TRAPPC10: variants seen among roughly 807,000 people sequenced by gnomAD.
TRAPPC10 encodes TRAPP 130 kDa subunit.
A neutral mutation model predicts 125.5 loss-of-function variants in TRAPPC10; 23 were observed. The observed-to-expected ratio is 0.18, with a 90% confidence interval of 0.13 to 0.26. The LOEUF (loss-of-function observed/expected upper bound fraction) is 0.26. Ranked by LOEUF, TRAPPC10 falls within the 10% of genes least tolerant of loss-of-function variation. The pLI is 1.00. For missense variants in TRAPPC10, 1,123 were observed against 1,308.4 expected (o/e 0.86, Z 2.19); for synonymous variants, 509 against 518.0 (o/e 0.98, Z 0.24).
rs1351294920 is a variant in TRAPPC10 at position 44,063,457 on chromosome 21, C to T, written c.791-81C>T. The stretch of plus-strand genomic sequence containing the variant: ...ACTGGTTATGAAGCTGCCTGTTTGC[C>T]CACCATCCTCAGCCTGAGCAGGAAG... On this transcript the variant is annotated intron_variant, in intron 6 of 22. Coordinates refer to ENST00000291574, the MANE Select transcript of TRAPPC10 (RefSeq NM_003274.5). The surrounding 1 kb of genome is among the most constrained non-coding windows in gnomAD (Gnocchi z 4.4). 6.4e-7 allele frequency: 1 copy of T among 1,552,508 alleles called. No individual in the cohort carries two copies. The highest frequency in any genetic ancestry group is 8.7e-7 in the Non-Finnish European group (1 of 1,148,852).
At chr21:44,075,277 A>G in intron 9 of TRAPPC10, 124 bp downstream of exon 9, 1 of 667,290 alleles carries the variant, frequency 1.5e-6, no homozygotes, top group Non-Finnish European at 2.6e-6. Flanking sequence ...GGAAAATTAT[A>G]CCCATTGTTA....
At chr21:44,054,265 G>A (rs927752493) in intron 4 of TRAPPC10, among the ~76,000 whole-genome samples, 6 of 152,172 alleles carry the variant, frequency 3.9e-5, no homozygotes, top group African/African-American at 1.2e-4. Context: ...GGATTGAATG[G>A]AATTAAAGCC....
At position 44,023,084 on chromosome 21, in the gene TRAPPC10, G is replaced by C. The variant is rs1190681869; in HGVS notation, c.68-9007G>C. Among the ~76,000 whole-genome samples the C allele has an allele frequency of 2.2e-5, 3 of 138,916 alleles. No individual in the cohort carries two copies. The East Asian group carries it at 6.3e-4, about 29-fold the overall frequency. The allele number at this position is 138,916 out of a possible 152,430, so 91.1% of individuals were successfully genotyped here. On this transcript the variant is annotated intron_variant, in intron 1 of 22. Coordinates refer to ENST00000291574, the MANE Select transcript of TRAPPC10 (RefSeq NM_003274.5). ...GTCTTGCTCTGTCGCCCATGCTGGA[G>C]TGCAGTGGCTCCATCTTGGCTCACT...
chr21:44,086,975 AC>A lies in TRAPPC10; in HGVS notation c.2539+18del. Reference sequence around the variant, plus strand: ...CAACACGAGAGGTGAGGTGCCGCCCACCCAGGCCCAAGGAGGATGCCCACCT... The same window carrying A: ...CAACACGAGAGGTGAGGTGCCGCCCACCAGGCCCAAGGAGGATGCCCACCT... On this transcript the variant is annotated intron_variant, in intron 16 of 22. Coordinates refer to ENST00000291574, the MANE Select transcript of TRAPPC10 (RefSeq NM_003274.5). 1.2e-6 allele frequency: 2 copies of A among 1,613,066 alleles called. No individual in the cohort carries two copies. The highest frequency in any genetic ancestry group is 2.7e-5 in the African/African-American group (2 of 75,024).
At position 44,048,015 on chromosome 21, in the gene TRAPPC10, C is replaced by G. The variant is rs146685618; in HGVS notation, c.286-4265C>G. The stretch of plus-strand genomic sequence containing the variant: ...AAATTATTCCTTACAGCCGAGGCAA[C>G]ACAGTCTTGAGTTCCTCTGGTTTTC... On this transcript the variant is annotated intron_variant, in intron 3 of 22. Coordinates refer to ENST00000291574, the MANE Select transcript of TRAPPC10 (RefSeq NM_003274.5). 4.9e-4 allele frequency among the ~76,000 whole-genome samples: 74 copies of G among 152,308 alleles called. 1 individual carries two copies. In the Middle Eastern group the frequency reaches 0.02, roughly 42 times the overall value.
At chr21:44,084,487 AT>A (rs2037990277) in intron 15 of TRAPPC10, among the ~76,000 whole-genome samples, 1 of 152,212 alleles carries the variant, frequency 6.6e-6, no homozygotes, top group Non-Finnish European at 1.5e-5. Flanking sequence ...AACATGGTGT[AT>A]CTGAAAATAA....
In TRAPPC10 at chr21:44,087,118, C is replaced by T. The variant is rs578056370; in HGVS notation, c.2539+158C>T. 6.6e-6 allele frequency among the ~76,000 whole-genome samples: 1 copy of T among 152,340 alleles called. No homozygotes were observed. Among genetic ancestry groups the T allele is most frequent in the South Asian group, 2.1e-4 (1 of 4,828 alleles). On this transcript the variant is annotated intron_variant, in intron 16 of 22. Coordinates refer to ENST00000291574, the MANE Select transcript of TRAPPC10 (RefSeq NM_003274.5). This position sits in a 1 kb window ranked among gnomAD's most constrained non-coding sequence, Gnocchi z 4.6. Reference sequence around the variant, plus strand: ...GGAGCCCTGCGGCCTGATGCCTGTGCTGGGGTCCCATCTGAGGTGATAAAC... The same window carrying T: ...GGAGCCCTGCGGCCTGATGCCTGTGTTGGGGTCCCATCTGAGGTGATAAAC...
rs1394848659 is a variant in TRAPPC10, at chr21:44,060,946, A to ACACACG, written c.790+1733_790+1734insACACGC. On this transcript the variant is annotated intron_variant, in intron 6 of 22. Transcript: ENST00000291574. ...CACACACACACACACACACACACACACTTTTTTTTTGAGACGGAGTCTTGC... is the reference window on the plus strand; with the variant it reads ...CACACACACACACACACACACACACACACACGCTTTTTTTTTGAGACGGAGTCTTGC... Among the ~76,000 whole-genome samples the ACACACG allele has an allele frequency of 1.3e-3, 186 of 144,642 alleles. 1 individual carries two copies. Among genetic ancestry groups the ACACACG allele is most frequent in the African/African-American group, 4.6e-3 (180 of 39,178 alleles). 94.9% of individuals were successfully genotyped at this position (144,642 alleles called of 152,430 possible). A position where few individuals can be genotyped will look rare whatever the true frequency, so the allele number is the denominator to read the frequency against.
chr21:44,069,995 G>A (rs1449242141), intron 7 of TRAPPC10, among the ~76,000 whole-genome samples: 2 of 152,016 alleles, frequency 1.3e-5, no homozygotes, highest in Non-Finnish European at 1.5e-5. Context: ...CCGGGTTGAA[G>A]CGATAAGAGA....
At chr21:44,055,132 T>A (rs375459571) in intron 4 of TRAPPC10, among the ~76,000 whole-genome samples, 3 of 152,190 alleles carry the variant, frequency 2.0e-5, no homozygotes, top group Admixed American at 6.5e-5. Context: ...GCTGCGTCTT[T>A]GGCTCAGGGC....
At chr21:44,016,216 T>G (rs2031824299) in intron 1 of TRAPPC10, among the ~76,000 whole-genome samples, 1 of 152,212 alleles carries the variant, frequency 6.6e-6, no homozygotes, top group South Asian at 2.1e-4. Context: ...TGGTCTAAAT[T>G]TAAATTTTAG....
At chr21:44,047,257 A>G (rs2034896771) in intron 3 of TRAPPC10, among the ~76,000 whole-genome samples, 1 of 152,144 alleles carries the variant, frequency 6.6e-6, no homozygotes, top group Non-Finnish European at 1.5e-5. Flanking sequence ...ATCTTGTCTC[A>G]CCACAACCTC....
At chr21:44,075,233 G>A (rs1016141948) in intron 9 of TRAPPC10, 80 bp downstream of exon 9, 11 of 1,026,194 alleles carry the variant, frequency 1.1e-5, no homozygotes, top group South Asian at 5.4e-5. Flanking sequence ...ACATTTAACC[G>A]AAGTTCTAAG....
Position 44,083,020 on chromosome 21 carries a change from T to C in TRAPPC10, c.1956T>C (p.Asn652=), listed in dbSNP as rs372333316. The C allele has an allele frequency of 6.2e-7, 1 of 1,613,858 alleles. No homozygotes were observed. Among genetic ancestry groups the C allele is most frequent in the African/African-American group, 1.3e-5 (1 of 74,852 alleles). ...AEWLTKHKTS[N]GIINFPPETA... ...GGCTTACCAAGCACAAGACGTCCAA[T>C]GGGATCATTAACTTTCCACCCGAGA... Residue 652 remains asparagine, a synonymous_variant, in exon 14 of 23, where the codon AAT becomes AAC. Transcript: ENST00000291574.
chr21:44,017,821 G>T (rs182249465), intron 1 of TRAPPC10, among the ~76,000 whole-genome samples: 5 of 151,826 alleles, frequency 3.3e-5, no homozygotes, highest in Admixed American at 1.3e-4. Flanking sequence ...TGATGTCATC[G>T]AAAGAAGTGG....
intron 3 of TRAPPC10, among the ~76,000 whole-genome samples, chr21:44,047,565 T>TGTGTGTGTGTGTGTGTGCGCGCGCGC (rs954810521): frequency 6.8e-6 from 1 of 147,092 alleles, no homozygotes; most frequent in South Asian, 2.2e-4. Flanking sequence ...TGTGTGTGTG[T>TGTGTGTGTGTGTGTGTGCGCGCGCGC]GCGCGCACAC....
intron 3 of TRAPPC10, among the ~76,000 whole-genome samples, chr21:44,045,517 A>T (rs112775840): frequency 8.6e-4 from 131 of 152,084 alleles, no homozygotes; most frequent in African/African-American, 2.8e-3. Flanking sequence ...ATTTTGTACA[A>T]AAGTGGCTTT....
chr21:44,047,565 T>TGTGTGTGCGCGC (rs954810521), intron 3 of TRAPPC10, among the ~76,000 whole-genome samples: 1 of 147,090 alleles, frequency 6.8e-6, no homozygotes, highest in African/African-American at 2.6e-5. Context: ...TGTGTGTGTG[T>TGTGTGTGCGCGC]GCGCGCACAC....
rs541747981 is a variant in TRAPPC10, at chr21:44,030,097, C to T, written c.68-1994C>T. Among the ~76,000 whole-genome samples, 38 of 152,302 alleles carry T rather than the reference C, an allele frequency of 2.5e-4. No individual in the cohort carries two copies. In the South Asian group the frequency reaches 6.4e-3, roughly 26 times the overall value. On this transcript the variant is annotated intron_variant, in intron 1 of 22. Transcript: ENST00000291574. Reference sequence around the variant, plus strand: ...TGCTACTTGGTAGTCTCCATTTAGACGAGTCTTACTGTACGGCAGGGTTCC... The same window carrying T: ...TGCTACTTGGTAGTCTCCATTTAGATGAGTCTTACTGTACGGCAGGGTTCC...
Sources: gnomAD v4.1 joint callset for allele counts (sites outside exome capture counted in the v4.1 genomes callset) on GRCh38, gnomAD v4.1.1 for gene constraint, Gnocchi (gnomAD v3.1) non-coding constraint, MANE v1.5 for transcripts, NCBI Gene and HGNC (gene_info 2026-07-23, HGNC 2026-07-21) for gene names.